Variants in CHRM3 observed in about 807,000 individuals in gnomAD.
The protein encoded by CHRM3 is muscarinic acetylcholine receptor M3.
Under a neutral mutation model 41.8 loss-of-function variants are expected in CHRM3, and 11 were observed. That is an observed-to-expected ratio of 0.26 (90% CI 0.17 to 0.44). The LOEUF (loss-of-function observed/expected upper bound fraction) is 0.44. Among genes scored for constraint, CHRM3 ranks in the 20% least tolerant of loss-of-function variants. The pLI is 1.00. For synonymous variants in CHRM3, 297 were observed against 301.4 expected, an observed-to-expected ratio of 0.99 and a Z score of 0.15; for missense variants, 571 against 745.4, an observed-to-expected ratio of 0.77 and a Z score of 2.72.
intron 6 of CHRM3, among the ~76,000 whole-genome samples, chr1:239,844,755 C>CT (rs1222645072): frequency 6.6e-6 from 1 of 152,138 alleles, no homozygotes; most frequent in Non-Finnish European, 1.5e-5. Context: ...TGCAGAAAGA[C>CT]TAAGTATCTT....
intron 1 of CHRM3, among the ~76,000 whole-genome samples, chr1:239,402,089 C>G (rs1466708811): frequency 6.6e-6 from 1 of 152,178 alleles, no homozygotes; most frequent in Non-Finnish European, 1.5e-5. Context: ...ATATTCATTT[C>G]TGGCCCTCTT....
At chr1:239,389,068 T>C (rs150227430) in intron 1 of CHRM3, among the ~76,000 whole-genome samples, 13 of 152,332 alleles carry the variant, frequency 8.5e-5, no homozygotes, top group African/African-American at 2.6e-4. Context: ...CGAAATATTG[T>C]TTTTTAAATA....
Position 239,909,436 on chromosome 1 carries a change from C to T in CHRM3, c.*212C>T, listed in dbSNP as rs1269912531. On this transcript the variant is annotated 3_prime_UTR_variant, in exon 7 of 7. Transcript: ENST00000676153. The stretch of plus-strand genomic sequence containing the variant: ...TCAGCAAAAAGAAAAAAAAAACATA[C>T]TACTGAATATAAAGAAATTTATTCT... 1 of 453,578 alleles carries T rather than the reference C, an allele frequency of 2.2e-6. No individual in the cohort carries two copies. Among genetic ancestry groups the T allele is most frequent in the African/African-American group, 2.1e-5 (1 of 47,852 alleles). The allele number at this position is 453,578 out of a possible 1,614,324, so 28.1% of individuals were successfully genotyped here.
chr1:239,679,401 A>G (rs1402348769), intron 5 of CHRM3, among the ~76,000 whole-genome samples: 1 of 152,138 alleles, frequency 6.6e-6, no homozygotes, highest in African/African-American at 2.4e-5. Flanking sequence ...ACCTAACTCT[A>G]CTACTTAACA....
chr1:239,779,971 T>C (rs561449100), intron 5 of CHRM3, among the ~76,000 whole-genome samples: 12 of 152,360 alleles, frequency 7.9e-5, no homozygotes, highest in African/African-American at 2.9e-4. Flanking sequence ...TGATAGTGTC[T>C]GTCTTTGTAG....
intron 1 of CHRM3, among the ~76,000 whole-genome samples, chr1:239,474,478 G>T (rs183197130): frequency 6.7e-6 from 1 of 149,558 alleles, no homozygotes; most frequent in Admixed American, 6.6e-5. Context: ...GTATATGTGT[G>T]TATATGTTTG....
chr1:239,838,285 T>A (rs947530896), intron 6 of CHRM3, among the ~76,000 whole-genome samples: 3 of 152,158 alleles, frequency 2.0e-5, no homozygotes, highest in Non-Finnish European at 4.4e-5. Flanking sequence ...AGCTCCAACT[T>A]AATTGTAGAT....
chr1:239,532,037 G>A (rs1266004372), intron 2 of CHRM3, among the ~76,000 whole-genome samples: 12 of 118,960 alleles, frequency 1.0e-4, no homozygotes, highest in African/African-American at 2.8e-4. Context: ...TTTTGAGACG[G>A]AGTCTTGCCC....
At chr1:239,496,510 AGTGTGTGTGT>A (rs71166874) in intron 2 of CHRM3, among the ~76,000 whole-genome samples, 1,921 of 145,044 alleles carry the variant, frequency 0.013, 21 homozygotes, top group African/African-American at 0.027. Flanking sequence ...TAGTAATTCT[AGTGTGTGTGT>A]GTGTGTGTGT....
chr1:239,439,620 A>G, intron 1 of CHRM3, among the ~76,000 whole-genome samples: 1 of 152,208 alleles, frequency 6.6e-6, no homozygotes, highest in Non-Finnish European at 1.5e-5. Flanking sequence ...CAATCAACCA[A>G]TCTACTACAA....
chr1:239,644,150 T>C (rs1671515609), intron 4 of CHRM3, among the ~76,000 whole-genome samples: 1 of 152,206 alleles, frequency 6.6e-6, no homozygotes, highest in African/African-American at 2.4e-5. Flanking sequence ...TGAAAAATTC[T>C]TAGAAGGCAT....
At chr1:239,589,942 T>C (rs976836867) in intron 3 of CHRM3, among the ~76,000 whole-genome samples, 2 of 152,140 alleles carry the variant, frequency 1.3e-5, no homozygotes, top group African/African-American at 4.8e-5. Flanking sequence ...GTGATAAATG[T>C]AAGTGCTTTT....
intron 1 of CHRM3, among the ~76,000 whole-genome samples, chr1:239,394,765 T>C (rs780599369): frequency 6.6e-5 from 10 of 152,200 alleles, no homozygotes; most frequent in Non-Finnish European, 1.0e-4. Flanking sequence ...TTAATAATTC[T>C]GAGAATTATG....
At chr1:239,539,149 C>G (rs1658490260) in intron 2 of CHRM3, among the ~76,000 whole-genome samples, 1 of 152,148 alleles carries the variant, frequency 6.6e-6, no homozygotes, top group Admixed American at 6.5e-5. Context: ...CCACTCATGC[C>G]CAAGAAGCTG....
At chr1:239,434,006 G>T (rs564757435) in intron 1 of CHRM3, among the ~76,000 whole-genome samples, 8 of 152,112 alleles carry the variant, frequency 5.3e-5, no homozygotes, top group Non-Finnish European at 8.8e-5. Context: ...ATCAAATGCT[G>T]GTTCTACTTT....
At chr1:239,896,683 A>T (rs774501074) in intron 6 of CHRM3, among the ~76,000 whole-genome samples, 2 of 152,114 alleles carry the variant, frequency 1.3e-5, no homozygotes, top group Admixed American at 6.6e-5. Context: ...CACTATCAAC[A>T]TCTTAGCAGC....
chr1:239,591,178 T>G (rs75527839), intron 3 of CHRM3, among the ~76,000 whole-genome samples: 2,979 of 152,332 alleles, frequency 0.02, 51 homozygotes, highest in Non-Finnish European at 0.03. Context: ...GACCAGCGGC[T>G]GTGCACCTTC....
At chr1:239,449,501 A>T (rs1664406770) in intron 1 of CHRM3, among the ~76,000 whole-genome samples, 1 of 152,194 alleles carries the variant, frequency 6.6e-6, no homozygotes, top group Non-Finnish European at 1.5e-5. Context: ...AAGGGTGGGT[A>T]CTATTTAGAA....
intron 5 of CHRM3, among the ~76,000 whole-genome samples, chr1:239,799,377 T>C (rs1670032096): frequency 1.3e-5 from 2 of 152,100 alleles, no homozygotes; most frequent in South Asian, 4.1e-4. Context: ...ATAAATGCCT[T>C]CAAGGAGCAT....
Sources: allele counts gnomAD v4.1 joint callset (sites outside exome capture counted in the v4.1 genomes callset), GRCh38; gene constraint gnomAD v4.1.1; transcripts MANE v1.5; gene names NCBI Gene and HGNC (gene_info 2026-07-23, HGNC 2026-07-21).